MARCHF8: variants seen among roughly 807,000 people sequenced by gnomAD.
MARCHF8 encodes membrane associated ring-CH-type finger 8.
In MARCHF8, 40 loss-of-function variants were observed where a neutral mutation model predicts 51.6. The observed-to-expected ratio is 0.77, with a 90% CI of 0.60 to 1.01. The LOEUF is 1.01. Ranked by LOEUF, MARCHF8 falls within the 50% of genes least tolerant of loss-of-function variation. The probability of loss-of-function intolerance (pLI) is 0.00; values close to 1 mark genes in which losing one functional copy is unlikely to be tolerated. For synonymous variants in MARCHF8, 263 were observed against 280.3 expected, an observed-to-expected ratio of 0.94 and a Z score of 0.62; for missense variants, 685 against 708.6, an observed-to-expected ratio of 0.97 and a Z score of 0.38.
Position 45,461,342 on chromosome 10 carries a change from G to A in MARCHF8, c.1158C>T (p.His386=), listed in dbSNP as rs763097982. ...GCTGCAGGCAGGCCTGGTGCACGAA[G>A]TGGAGGCTTCCTGTGCAGTGGCAGG... ...ITPCHCTGSL[H]FVHQACLQQW... The change falls in exon 6 of 8, where the codon CAC becomes CAT. Residue 386 remains histidine, a synonymous_variant. Coordinates refer to ENST00000453424, the MANE Select transcript of MARCHF8 (RefSeq NM_001282866.2). 6.2e-7 allele frequency: 1 copy of A among 1,608,034 alleles called. No individual in the cohort carries two copies. Among genetic ancestry groups the A allele is most frequent in the Non-Finnish European group, 8.5e-7 (1 of 1,177,648 alleles).
At chr10:45,577,999 G>A (rs1183958424) in intron 1 of MARCHF8, among the ~76,000 whole-genome samples, 2 of 152,164 alleles carry the variant, frequency 1.3e-5, no homozygotes, top group African/African-American at 4.8e-5. Context: ...TCCAGCCTAG[G>A]AGACAGAGTG....
chr10:45,505,813 TTGTC>T (rs1221400046), intron 2 of MARCHF8, among the ~76,000 whole-genome samples: 7 of 152,236 alleles, frequency 4.6e-5, no homozygotes, highest in African/African-American at 1.7e-4. Context: ...GTTTGTCTAT[TTGTC>T]TGTTCTCACC....
At chr10:45,462,924 C>G (rs918830587) in intron 5 of MARCHF8, among the ~76,000 whole-genome samples, 1 of 152,224 alleles carries the variant, frequency 6.6e-6, no homozygotes, top group Non-Finnish European at 1.5e-5. Flanking sequence ...CTGCGCCCAG[C>G]CAGCTTCTTC....
At chr10:45,484,931 A>G (rs1020747380) in intron 3 of MARCHF8, among the ~76,000 whole-genome samples, 28 of 152,214 alleles carry the variant, frequency 1.8e-4, no homozygotes, top group South Asian at 4.1e-4. Flanking sequence ...GTAATCAGAA[A>G]CACTGAAGAA....
chr10:45,576,972 A>G (rs954002240), intron 1 of MARCHF8, among the ~76,000 whole-genome samples: 1 of 106,874 alleles, frequency 9.4e-6, no homozygotes, highest in Non-Finnish European at 2.0e-5. Context: ...AAAAAGAGAA[A>G]AGAAAAAAAA....
At chr10:45,485,404 T>C (rs1443684203) in intron 3 of MARCHF8, among the ~76,000 whole-genome samples, 1 of 152,244 alleles carries the variant, frequency 6.6e-6, no homozygotes, top group Non-Finnish European at 1.5e-5. Context: ...AACATTGTAC[T>C]ATCAATACAA....
chr10:45,511,866 C>T (rs2133198992), intron 2 of MARCHF8, among the ~76,000 whole-genome samples: 1 of 152,030 alleles, frequency 6.6e-6, no homozygotes, highest in South Asian at 2.1e-4. Flanking sequence ...TGCCTGGCCG[C>T]CCATCGTCTG....
chr10:45,538,079 T>A (rs1039976946), upstream of MARCHF8, among the ~76,000 whole-genome samples: 1 of 152,166 alleles, frequency 6.6e-6, no homozygotes, highest in Admixed American at 6.5e-5. Context: ...AAGGTTGGGT[T>A]ACCCACAAAG....
intron 1 of MARCHF8, among the ~76,000 whole-genome samples, chr10:45,569,044 G>A (rs1175956922): frequency 1.3e-4 from 15 of 116,590 alleles, no homozygotes; most frequent in African/African-American, 2.0e-4. Flanking sequence ...CAGCCGGGGC[G>A]ACAGAGCAAG....
intron 1 of MARCHF8, among the ~76,000 whole-genome samples, chr10:45,551,759 A>G (rs1167375665): frequency 6.6e-6 from 1 of 151,898 alleles, no homozygotes; most frequent in African/African-American, 2.4e-5. Flanking sequence ...AGTCTCCACA[A>G]TCATATGAAC....
At chr10:45,545,825 A>G (rs2044112516) in intron 1 of MARCHF8, among the ~76,000 whole-genome samples, 1 of 152,204 alleles carries the variant, frequency 6.6e-6, no homozygotes, top group African/African-American at 2.4e-5. Flanking sequence ...CAGCCAGGAA[A>G]GAAGGCTCCC....
At chr10:45,510,406 T>C (rs2043475936) in intron 2 of MARCHF8, among the ~76,000 whole-genome samples, 1 of 152,092 alleles carries the variant, frequency 6.6e-6, no homozygotes, top group South Asian at 2.1e-4. Flanking sequence ...AAAAGCCAAG[T>C]CGTCTTAAGG....
chr10:45,546,473 A>G (rs2044124251), intron 1 of MARCHF8, among the ~76,000 whole-genome samples: 2 of 151,992 alleles, frequency 1.3e-5, no homozygotes, highest in Admixed American at 1.3e-4. Context: ...ATGAGCTGAA[A>G]TTTTTTAATG....
chr10:45,550,260 C>T (rs1194955625), intron 1 of MARCHF8, among the ~76,000 whole-genome samples: 1 of 152,132 alleles, frequency 6.6e-6, no homozygotes, highest in Non-Finnish European at 1.5e-5. Flanking sequence ...TAATAAAGAT[C>T]CAAAAATATT....
chr10:45,570,954 C>T (rs1055301973), intron 1 of MARCHF8, among the ~76,000 whole-genome samples: 1 of 151,264 alleles, frequency 6.6e-6, no homozygotes, highest in Non-Finnish European at 1.5e-5. Context: ...AAGATATATA[C>T]CATGTTTGTA....
At chr10:45,552,357 G>A (rs1275718280) in intron 1 of MARCHF8, among the ~76,000 whole-genome samples, 1 of 150,014 alleles carries the variant, frequency 6.7e-6, no homozygotes, top group Admixed American at 6.7e-5. Flanking sequence ...TATGATCCTG[G>A]AATCCATTCT....
intron 3 of MARCHF8, among the ~76,000 whole-genome samples, chr10:45,484,368 T>C (rs962272304): frequency 6.6e-6 from 1 of 150,942 alleles, no homozygotes; most frequent in Non-Finnish European, 1.5e-5. Flanking sequence ...GCCCACATGG[T>C]CAAGGACCCT....
chr10:45,528,788 T>C (rs1226562022), intron 2 of MARCHF8, among the ~76,000 whole-genome samples: 1 of 152,140 alleles, frequency 6.6e-6, no homozygotes, highest in Admixed American at 6.5e-5. Flanking sequence ...CAACCAAGGA[T>C]GTGAAAGATC....
intron 1 of MARCHF8, among the ~76,000 whole-genome samples, chr10:45,567,187 C>T (rs2044374617): frequency 6.6e-6 from 1 of 152,092 alleles, no homozygotes; most frequent in Admixed American, 6.5e-5. Context: ...AAGCCCTTGC[C>T]AGCTGGGTAG....
Sources: allele counts gnomAD v4.1 joint callset (sites outside exome capture counted in the v4.1 genomes callset), GRCh38; gene constraint gnomAD v4.1.1; transcripts MANE v1.5; gene names NCBI Gene and HGNC (gene_info 2026-07-23, HGNC 2026-07-21).